Variants in DCDC1 observed in about 807,000 individuals in gnomAD.
The protein encoded by DCDC1 is doublecortin domain containing 1.
Under a neutral mutation model 178.3 loss-of-function variants are expected in DCDC1, and 200 were observed. The ratio of observed to expected loss-of-function variants is 1.12; its 90% CI spans 1.00 to 1.26. The LOEUF (loss-of-function observed/expected upper bound fraction) is 1.26. Ranked by LOEUF, DCDC1 falls within the 50% of genes most tolerant of loss-of-function variation. DCDC1 has a pLI of 0.00. For missense variants in DCDC1, 1,983 were observed against 1,749.2 expected, an observed-to-expected ratio of 1.13 and a Z score of -2.38; for synonymous variants, 690 against 604.8, an observed-to-expected ratio of 1.14 and a Z score of -2.07.
chr11:31,310,285 G>C (rs1046161903), intron 3 of DCDC1, among the ~76,000 whole-genome samples: 9 of 146,838 alleles, frequency 6.1e-5, no homozygotes, highest in Admixed American at 6.8e-5. Context: ...ACAACATTGA[G>C]GACAGGTTTT....
chr11:31,049,911 G>A (rs929989727), intron 20 of DCDC1, among the ~76,000 whole-genome samples: 2 of 152,290 alleles, frequency 1.3e-5, no homozygotes, highest in African/African-American at 4.8e-5. Context: ...CCATTGCGAG[G>A]GTGGCCAGAG....
chr11:30,972,968 T>C (rs1949893887), intron 20 of DCDC1, among the ~76,000 whole-genome samples: 1 of 152,070 alleles, frequency 6.6e-6, no homozygotes, highest in Admixed American at 6.6e-5. Flanking sequence ...CAACATCTGC[T>C]TGTTTAAAAG....
chr11:31,358,378 T>C (rs1039109485), intron 1 of DCDC1, among the ~76,000 whole-genome samples: 2 of 152,074 alleles, frequency 1.3e-5, no homozygotes, highest in African/African-American at 4.8e-5. Flanking sequence ...GAAAACTGGC[T>C]AGCCATATGT....
chr11:31,357,170 T>C (rs1024379031), intron 1 of DCDC1, among the ~76,000 whole-genome samples: 21 of 152,228 alleles, frequency 1.4e-4, no homozygotes, highest in African/African-American at 4.8e-4. Context: ...CTGATGAACA[T>C]TGATGCTAAA....
intron 20 of DCDC1, among the ~76,000 whole-genome samples, chr11:31,060,783 C>T (rs1182571549): frequency 6.6e-6 from 1 of 151,858 alleles, no homozygotes; most frequent in East Asian, 1.9e-4. Context: ...TCAAATCACC[C>T]GCCCATTTGG....
chr11:31,156,382 G>A (rs1485617188), intron 9 of DCDC1, among the ~76,000 whole-genome samples: 1 of 151,904 alleles, frequency 6.6e-6, no homozygotes, highest in Non-Finnish European at 1.5e-5. Flanking sequence ...AGTCAGATCT[G>A]GCCCCCAGGC....
chr11:30,890,234 T>C (rs74667602), intron 36 of DCDC1, among the ~76,000 whole-genome samples: 3,353 of 152,314 alleles, frequency 0.022, 130 homozygotes, highest in African/African-American at 0.074. Flanking sequence ...CTGAGAAAAC[T>C]AATACATATG....
At chr11:31,110,581 G>C (rs532581310) in intron 11 of DCDC1, among the ~76,000 whole-genome samples, 1 of 151,990 alleles carries the variant, frequency 6.6e-6, no homozygotes, top group Non-Finnish European at 1.5e-5. Context: ...GAAAAGAAAG[G>C]CTCCTGCTTC....
intron 1 of DCDC1, among the ~76,000 whole-genome samples, chr11:31,344,452 TCTGGAGCCACAGTGA>T (rs562780927): frequency 6.6e-6 from 1 of 152,236 alleles, no homozygotes. Context: ...GAGTCTGGAC[TCTGGAGCCACAGTGA>T]CTGGGTTTGC....
intron 32 of DCDC1, among the ~76,000 whole-genome samples, chr11:30,901,143 T>C (rs186724543): frequency 3.9e-5 from 6 of 152,204 alleles, no homozygotes; most frequent in African/African-American, 1.2e-4. Flanking sequence ...AGAAATTCCA[T>C]AGAAAATGCA....
At chr11:30,887,399 T>C (rs1943270829) in intron 36 of DCDC1, among the ~76,000 whole-genome samples, 1 of 152,212 alleles carries the variant, frequency 6.6e-6, no homozygotes, top group South Asian at 2.1e-4. Context: ...AGGTTAGTAA[T>C]GCTTTTTTAG....
intron 3 of DCDC1, among the ~76,000 whole-genome samples, chr11:31,325,542 A>T (rs528348359): frequency 6.6e-6 from 1 of 152,216 alleles, no homozygotes; most frequent in East Asian, 1.9e-4. Context: ...CTGTGTTATA[A>T]GCAAATGCAG....
intron 17 of DCDC1, among the ~76,000 whole-genome samples, chr11:31,088,768 G>A (rs932894241): frequency 1.3e-5 from 2 of 152,144 alleles, no homozygotes; most frequent in African/African-American, 4.8e-5. Context: ...TCAGGTTGGA[G>A]TGTAGTGGTG....
chr11:31,047,092 G>A (rs896175415), intron 20 of DCDC1, among the ~76,000 whole-genome samples: 1 of 152,032 alleles, frequency 6.6e-6, no homozygotes, highest in Non-Finnish European at 1.5e-5. Flanking sequence ...GTACTGCTGT[G>A]TGGAAATTCC....
intron 9 of DCDC1, among the ~76,000 whole-genome samples, chr11:31,217,167 A>G (rs940345684): frequency 3.3e-5 from 5 of 152,166 alleles, no homozygotes; most frequent in Admixed American, 6.5e-5. Context: ...AACATTTCAC[A>G]GAAGTGTCAA....
intron 9 of DCDC1, among the ~76,000 whole-genome samples, chr11:31,162,549 G>T (rs1385000823): frequency 1.3e-5 from 2 of 151,832 alleles, no homozygotes; most frequent in African/African-American, 4.8e-5. Flanking sequence ...ATCGTTCTAG[G>T]TCTAATATAT....
At chr11:31,244,701 C>A (rs1977617499) in intron 8 of DCDC1, among the ~76,000 whole-genome samples, 1 of 151,686 alleles carries the variant, frequency 6.6e-6, no homozygotes, top group African/African-American at 2.4e-5. Flanking sequence ...AGTTAATCAT[C>A]CCTTAAATTT....
chr11:31,197,217 A>C (rs1358684698), intron 9 of DCDC1, among the ~76,000 whole-genome samples: 1 of 152,154 alleles, frequency 6.6e-6, no homozygotes, highest in African/African-American at 2.4e-5. Context: ...ACAATTTTTC[A>C]GAAAGCACTA....
At chr11:30,915,944 C>T (rs1196755711) in intron 26 of DCDC1, among the ~76,000 whole-genome samples, 2 of 151,868 alleles carry the variant, frequency 1.3e-5, no homozygotes, top group Non-Finnish European at 2.9e-5. Flanking sequence ...AAATGTTTAC[C>T]AGGAGAATAT....
Sources: gnomAD v4.1 joint callset for allele counts (sites outside exome capture counted in the v4.1 genomes callset) on GRCh38, gnomAD v4.1.1 for gene constraint, MANE v1.5 for transcripts, NCBI Gene and HGNC (gene_info 2026-07-23, HGNC 2026-07-21) for gene names.